ENPP6: variants seen among roughly 807,000 people sequenced by gnomAD.
ENPP6 encodes glycerophosphocholine cholinephosphodiesterase ENPP6.
Under a neutral mutation model 42.0 loss-of-function variants are expected in ENPP6, and 32 were observed. The ratio of observed to expected loss-of-function variants is 0.76; its 90% CI spans 0.58 to 1.02. The LOEUF is 1.02. ENPP6 is among the 50% of genes least tolerant of loss of function. The pLI, the probability that ENPP6 is intolerant of heterozygous loss-of-function variation, is 0.00. For missense variants in ENPP6, 552 were observed against 566.8 expected (o/e 0.97, Z 0.27); for synonymous variants, 213 against 216.0 (o/e 0.99, Z 0.12).
chr4:184,142,501 G>A lies in ENPP6; in HGVS notation c.421+11053C>T, dbSNP rs112473383. On this transcript the variant is annotated intron_variant, in intron 2 of 7. Coordinates refer to ENST00000296741, the MANE Select transcript of ENPP6 (RefSeq NM_153343.4). Reference sequence around the variant, plus strand: ...TTTTCCTGGGGTTGGCCTTGCCCACGGGGCTGGGGGACGTTTGGCGGTGGC... The same window carrying A: ...TTTTCCTGGGGTTGGCCTTGCCCACAGGGCTGGGGGACGTTTGGCGGTGGC... Among the ~76,000 whole-genome samples, 1,004 of 123,724 alleles carry A rather than the reference G, an allele frequency of 8.1e-3. 8 individuals carry two copies. Among genetic ancestry groups the A allele is most frequent in the Non-Finnish European group, 0.017 (820 of 49,514 alleles). 81.2% of individuals were successfully genotyped at this position (123,724 alleles called of 152,430 possible). A position where few individuals can be genotyped will look rare whatever the true frequency, so the allele number is the denominator to read the frequency against.
intron 2 of ENPP6, among the ~76,000 whole-genome samples, chr4:184,124,626 T>TCATGAAAACAAAGTCTTC (rs1270022796): frequency 5.3e-5 from 8 of 152,234 alleles, no homozygotes; most frequent in African/African-American, 1.9e-4. Context: ...TCTAAGTCTT[T>TCATGAAAACAAAGTCTTC]CATGAAAACA....
intron 2 of ENPP6, among the ~76,000 whole-genome samples, chr4:184,140,061 G>A (rs1736795021): frequency 6.7e-6 from 1 of 149,694 alleles, no homozygotes; most frequent in African/African-American, 2.5e-5. Context: ...TAACTGGGGT[G>A]AGATGGTATC....
chr4:184,153,688 T>TA lies in ENPP6; in HGVS notation c.286_287insT (p.Asp96ValfsTer9). On this transcript the variant is annotated frameshift_variant, in exon 2 of 8. Transcript: ENST00000296741. LOFTEE classifies it high-confidence loss of function. ...GTCAAAGGACTTGTTGGTGGTGGGG[T>TA]CCCACATGTAGTTCCCGATCATCTG... 6.2e-7 allele frequency: 1 copy of TA among 1,614,130 alleles called. No individual in the cohort carries two copies. Among genetic ancestry groups the TA allele is most frequent in the Non-Finnish European group, 8.5e-7 (1 of 1,180,020 alleles).
At chr4:184,104,937 C>T (rs1468566096) in intron 6 of ENPP6, among the ~76,000 whole-genome samples, 2 of 152,192 alleles carry the variant, frequency 1.3e-5, no homozygotes, top group Non-Finnish European at 2.9e-5. Flanking sequence ...ACAGAAATTC[C>T]AAGCTGGAGA....
rs531540840 is a variant in ENPP6 at position 184,153,812 on chromosome 4, C to A, written c.242-79G>T. 5.4e-6 allele frequency: 8 copies of A among 1,492,660 alleles called. No individual in the cohort carries two copies. The African/African-American group carries it at 1.1e-4, about 21-fold the overall frequency. 92.5% of individuals were successfully genotyped at this position (1,492,660 alleles called of 1,614,324 possible). A position where few individuals can be genotyped will look rare whatever the true frequency, so the allele number is the denominator to read the frequency against. On this transcript the variant is annotated intron_variant, in intron 1 of 7. Transcript: ENST00000296741. ...TATCTTTGTTTCTTGATCATATAAG[C>A]CATTCGTGCTCGTTTAGGAAGTACA... is the stretch of plus-strand genomic sequence containing the variant.
intron 6 of ENPP6, 61 bp downstream of exon 6, chr4:184,112,611 A>G: frequency 6.5e-7 from 1 of 1,535,444 alleles, no homozygotes; most frequent in Middle Eastern, 1.7e-4. Flanking sequence ...ACTATTATTT[A>G]ACTTTGGACT....
intron 6 of ENPP6, among the ~76,000 whole-genome samples, chr4:184,100,113 T>C (rs958577062): frequency 2.0e-5 from 3 of 152,212 alleles, no homozygotes; most frequent in African/African-American, 7.2e-5. Context: ...ATCCACTCAT[T>C]TTTATTAAAA....
chr4:184,197,789 G>A lies in ENPP6; in HGVS notation c.241+19790C>T, dbSNP rs138769869. Among the ~76,000 whole-genome samples, 7 of 152,326 alleles carry A rather than the reference G, an allele frequency of 4.6e-5. No homozygotes were observed. The East Asian group carries it at 9.6e-4, about 21-fold the overall frequency. ...ATGCATGCTAAAATAGACTATGAAA[G>A]TCACTCATAGAAATGTGCAAGGAGG... On this transcript the variant is annotated intron_variant, in intron 1 of 7. Transcript: ENST00000296741.
At chr4:184,201,464 G>A (rs1300761869) in intron 1 of ENPP6, among the ~76,000 whole-genome samples, 3 of 151,822 alleles carry the variant, frequency 2.0e-5, no homozygotes, top group African/African-American at 4.8e-5. Context: ...GTGGCTCCAC[G>A]TGGACAAGCC....
intron 1 of ENPP6, 78 bp from the exon 2 acceptor site, chr4:184,153,811 G>A (rs982435556): frequency 4.7e-6 from 7 of 1,491,450 alleles, no homozygotes; most frequent in African/African-American, 4.2e-5. Flanking sequence ...GATCATATAA[G>A]CCATTCGTGC....
intron 2 of ENPP6, among the ~76,000 whole-genome samples, chr4:184,135,660 T>A (rs1401586043): frequency 6.7e-6 from 1 of 148,364 alleles, no homozygotes; most frequent in Non-Finnish European, 1.5e-5. Flanking sequence ...TAAATTTCTA[T>A]CAAAATTTAA....
At chr4:184,176,299 C>T (rs972280167) in intron 1 of ENPP6, among the ~76,000 whole-genome samples, 6 of 152,188 alleles carry the variant, frequency 3.9e-5, no homozygotes, top group Non-Finnish European at 7.3e-5. Flanking sequence ...AAGTCTATAC[C>T]AAATAGGATG....
intron 1 of ENPP6, among the ~76,000 whole-genome samples, chr4:184,157,845 C>T (rs1405818104): frequency 1.4e-5 from 2 of 143,122 alleles, no homozygotes. Flanking sequence ...GTCTCAAACT[C>T]CTGGGCTCCA....
chr4:184,200,337 C>T lies in ENPP6; in HGVS notation c.241+17242G>A, dbSNP rs543095512. Among the ~76,000 whole-genome samples, 5 of 152,294 alleles carry T rather than the reference C, an allele frequency of 3.3e-5. No individual in the cohort carries two copies. In the East Asian group the frequency reaches 7.7e-4, roughly 24 times the overall value. Reference sequence around the variant, plus strand: ...GTGCTGCTCTCCCGAGCCATCGCCGCGTTTCCTTACCACACTGTTATTACT... The same window carrying T: ...GTGCTGCTCTCCCGAGCCATCGCCGTGTTTCCTTACCACACTGTTATTACT... On this transcript the variant is annotated intron_variant, in intron 1 of 7. Transcript: ENST00000296741.
intron 2 of ENPP6, among the ~76,000 whole-genome samples, chr4:184,143,384 G>T (rs1736854362): frequency 6.6e-6 from 1 of 152,214 alleles, no homozygotes; most frequent in African/African-American, 2.4e-5. Context: ...GGCAAGGCGG[G>T]AGCAGTGTCT....
rs1395591977 is a variant in ENPP6 at position 184,111,915 on chromosome 4, A to G, written c.993+757T>C. Among the ~76,000 whole-genome samples, 4 of 152,224 alleles carry G rather than the reference A, an allele frequency of 2.6e-5. No individual in the cohort carries two copies. The South Asian group carries it at 6.2e-4, about 24-fold the overall frequency. On this transcript the variant is annotated intron_variant, in intron 6 of 7. Transcript: ENST00000296741. ...TGGTTGGCCTCAACCAGCTACTCTC[A>G]TGTACCCTGGAGCCTGTTCTATTAG...
intron 2 of ENPP6, among the ~76,000 whole-genome samples, chr4:184,141,347 A>T (rs1251682670): frequency 6.6e-6 from 1 of 152,170 alleles, no homozygotes; most frequent in Non-Finnish European, 1.5e-5. Flanking sequence ...GGAGCATGGA[A>T]TCTGGTCAGC....
intron 1 of ENPP6, among the ~76,000 whole-genome samples, chr4:184,213,117 A>T (rs962370576): frequency 6.6e-6 from 1 of 152,004 alleles, no homozygotes; most frequent in Admixed American, 6.5e-5. Context: ...TAAACGTTAG[A>T]CCTAAAACCA....
At chr4:184,145,260 G>A (rs1048109053) in intron 2 of ENPP6, among the ~76,000 whole-genome samples, 3 of 152,120 alleles carry the variant, frequency 2.0e-5, no homozygotes, top group Non-Finnish European at 2.9e-5. Flanking sequence ...CCTCTCTTCC[G>A]CCCTTCCTCC....
Sources: allele counts gnomAD v4.1 joint callset (sites outside exome capture counted in the v4.1 genomes callset), GRCh38; gene constraint gnomAD v4.1.1; transcripts MANE v1.5; gene names NCBI Gene and HGNC (gene_info 2026-07-23, HGNC 2026-07-21).